RASA2: variants seen among roughly 807,000 people sequenced by gnomAD.
RASA2 encodes RAS p21 protein activator 2, also known as ras GTPase-activating protein 2.
In RASA2, 155 loss-of-function variants were observed where a neutral mutation model predicts 118.2. That is an observed-to-expected ratio of 1.31 (90% CI 1.15 to 1.50). RASA2 has a LOEUF of 1.50. Ranked by LOEUF, RASA2 falls within the 40% of genes most tolerant of loss-of-function variation. The pLI is 0.00. For missense variants in RASA2, 1,016 were observed against 1,009.6 expected (o/e 1.01, Z -0.09); for synonymous variants, 353 against 349.1 (o/e 1.01, Z -0.12).
At chr3:141,497,384 T>C (rs919452010) in intron 1 of RASA2, among the ~76,000 whole-genome samples, 3 of 152,012 alleles carry the variant, frequency 2.0e-5, no homozygotes, top group African/African-American at 7.2e-5. Context: ...AGGGAGTATA[T>C]TTATATATTA....
chr3:141,566,125 T>G (rs1408321539), intron 9 of RASA2, among the ~76,000 whole-genome samples: 1 of 152,232 alleles, frequency 6.6e-6, no homozygotes, highest in Non-Finnish European at 1.5e-5. Context: ...AACTACTATT[T>G]CTTTTATAAA....
At chr3:141,606,383 C>T (rs959142242) in intron 19 of RASA2, among the ~76,000 whole-genome samples, 10 of 152,022 alleles carry the variant, frequency 6.6e-5, no homozygotes, top group Admixed American at 2.0e-4. Flanking sequence ...AAGTTTTTTC[C>T]TAGCCACCCA....
chr3:141,573,585 T>C (rs2082958721), intron 13 of RASA2, among the ~76,000 whole-genome samples: 1 of 152,196 alleles, frequency 6.6e-6, no homozygotes, highest in Non-Finnish European at 1.5e-5. Context: ...AAAACAATGA[T>C]TGTGTTAGGG....
chr3:141,507,091 T>G (rs1221157939), intron 1 of RASA2, among the ~76,000 whole-genome samples: 1 of 152,212 alleles, frequency 6.6e-6, no homozygotes, highest in African/African-American at 2.4e-5. Context: ...ATTTCCCAAG[T>G]TAAAGGATTC....
At chr3:141,600,520 T>A in intron 19 of RASA2, 1 of 306,180 alleles carries the variant, frequency 3.3e-6, no homozygotes, top group Non-Finnish European at 6.4e-6. Flanking sequence ...GGCCATGTCA[T>A]CGTAGTGCTC....
chr3:141,525,332 T>C (rs1577682427), intron 3 of RASA2: 1 of 151,546 alleles, frequency 6.6e-6, no homozygotes, highest in African/African-American at 2.4e-5. Flanking sequence ...TTTTTAAGAG[T>C]TGGGGGTCTC....
In RASA2 at chr3:141,609,941, T is replaced by C; in HGVS notation, c.2394T>C (p.Phe798=). 1.2e-6 allele frequency: 2 copies of C among 1,606,912 alleles called. No individual in the cohort carries two copies. The highest frequency in any genetic ancestry group is 1.7e-6 in the Non-Finnish European group (2 of 1,176,938). ...PQKEPDDYSN[F]VIEDSVTTFK... ...AAGAGCCTGATGATTATTCTAACTT[T>C]GTAATCGAGGATTCTGTAACAACCT... Residue 798 remains phenylalanine (F), a synonymous_variant, in exon 23 of 24, where the codon TTT becomes TTC. Transcript: ENST00000286364.
At chr3:141,565,205 G>A (rs568606753) in intron 9 of RASA2, among the ~76,000 whole-genome samples, 3 of 152,236 alleles carry the variant, frequency 2.0e-5, no homozygotes, top group South Asian at 2.1e-4. Context: ...GCCTGGTCTC[G>A]AACTCCTGAC....
chr3:141,598,106 C>T (rs911541938), intron 19 of RASA2, among the ~76,000 whole-genome samples: 1 of 152,086 alleles, frequency 6.6e-6, no homozygotes, highest in African/African-American at 2.4e-5. Context: ...CTGGTAAAGT[C>T]GGCCAAACAC....
At chr3:141,597,734 A>AG (rs2107789378) in intron 19 of RASA2, among the ~76,000 whole-genome samples, 1 of 152,326 alleles carries the variant, frequency 6.6e-6, no homozygotes, top group South Asian at 2.1e-4. Flanking sequence ...GGCAAAAATA[A>AG]AGATGAGAGT....
chr3:141,593,470 T>C (rs1577804524), intron 19 of RASA2, among the ~76,000 whole-genome samples: 2 of 152,126 alleles, frequency 1.3e-5, no homozygotes, highest in South Asian at 4.1e-4. Flanking sequence ...GGATGGAGTT[T>C]AGGGCTACCA....
chr3:141,487,242 C>T lies in RASA2; in HGVS notation c.133+26C>T, dbSNP rs1215144394. The T allele has an allele frequency of 2.3e-6, 3 of 1,321,906 alleles. No individual in the cohort carries two copies. In the South Asian group the frequency reaches 6.7e-5, roughly 30 times the overall value. 81.9% of individuals were successfully genotyped at this position (1,321,906 alleles called of 1,614,324 possible). Reference sequence around the variant, plus strand: ...GTAAGCGGGGGCTGGGCTGAGGGGACGCCCTGGCGGCGCTGGGCGCGAGGC... The same window carrying T: ...GTAAGCGGGGGCTGGGCTGAGGGGATGCCCTGGCGGCGCTGGGCGCGAGGC... On this transcript the variant is annotated intron_variant, in intron 1 of 23. Coordinates refer to ENST00000286364, the MANE Select transcript of RASA2 (RefSeq NM_006506.5).
intron 1 of RASA2, among the ~76,000 whole-genome samples, chr3:141,495,162 TA>T (rs2081685204): frequency 6.6e-6 from 1 of 152,252 alleles, no homozygotes; most frequent in Non-Finnish European, 1.5e-5. Flanking sequence ...GCGTATTAAC[TA>T]ATTTAATCCT....
intron 4 of RASA2, among the ~76,000 whole-genome samples, chr3:141,533,523 A>G (rs1231558502): frequency 6.6e-6 from 1 of 152,206 alleles, no homozygotes; most frequent in Non-Finnish European, 1.5e-5. Context: ...TTAGCTTTCC[A>G]GTGGAAGGAT....
chr3:141,609,424 G>A lies in RASA2; in HGVS notation c.2230G>A (p.Val744Ile). The A allele has an allele frequency of 1.9e-6, 3 of 1,562,240 alleles. No homozygotes were observed. The highest frequency in any genetic ancestry group is 2.3e-5 in the East Asian group (1 of 43,672). Reference protein sequence around the residue: ...TLGCKPCTAGVPADIQIDIDE... With the variant: ...TLGCKPCTAGIPADIQIDIDE... ...ATTTTTTTATTTTTACCATAGAGGT[G>A]TCCCTGCAGACATCCAAATAGATAT... is the stretch of plus-strand genomic sequence containing the variant. The change falls in exon 22 of 24, where the codon GTC becomes ATC. Residue 744 changes from valine (V) to isoleucine (I), a missense_variant. By Grantham distance (29) the Val-to-Ile change is conservative (BLOSUM62 3). This residue lies in a region of RASA2 where 120 missense variants were observed against 173.2 expected (regional missense o/e 0.69). Transcript: ENST00000286364.
At chr3:141,573,490 C>T (rs1176695270) in intron 13 of RASA2, among the ~76,000 whole-genome samples, 1 of 152,202 alleles carries the variant, frequency 6.6e-6, no homozygotes, top group African/African-American at 2.4e-5. Context: ...TTGCAGCCCC[C>T]GTTCTAGCCA....
intron 3 of RASA2, among the ~76,000 whole-genome samples, chr3:141,522,731 G>A (rs549325621): frequency 4.1e-4 from 62 of 152,218 alleles, no homozygotes; most frequent in Admixed American, 3.5e-3. Context: ...GATACTGTGT[G>A]ATACTTCTTC....
At chr3:141,532,562 A>C (rs1275885736) in intron 4 of RASA2, among the ~76,000 whole-genome samples, 3 of 152,306 alleles carry the variant, frequency 2.0e-5, no homozygotes, top group East Asian at 3.9e-4. Context: ...GCCTAAGTTC[A>C]TCTGTAAAAT....
At chr3:141,518,501 A>T (rs1256730026) in intron 3 of RASA2, among the ~76,000 whole-genome samples, 3 of 145,586 alleles carry the variant, frequency 2.1e-5, no homozygotes, top group Admixed American at 7.5e-5. Context: ...AAAAAAAAAA[A>T]AAAAAAAAAA....
Sources: allele counts gnomAD v4.1 joint callset (sites outside exome capture counted in the v4.1 genomes callset), GRCh38; gene constraint gnomAD v4.1.1; regional missense constraint gnomAD v4.1.1; transcripts MANE v1.5; gene names NCBI Gene and HGNC (gene_info 2026-07-23, HGNC 2026-07-21).